Variants in ZFR observed in about 807,000 individuals in gnomAD.
The protein encoded by ZFR is zinc finger RNA binding protein, also known as zinc finger RNA-binding protein.
ZFR carries 19 observed loss-of-function variants against 130.7 expected under a neutral mutation model. The ratio of observed to expected loss-of-function variants is 0.15; its 90% CI spans 0.10 to 0.21. The LOEUF is 0.21. ZFR is among the 10% of genes least tolerant of loss of function. The pLI, the probability that ZFR is intolerant of heterozygous loss-of-function variation, is 1.00. For synonymous variants in ZFR, 466 were observed against 456.9 expected (o/e 1.02, Z -0.25); for missense variants, 872 against 1,321.5 (o/e 0.66, Z 5.27).
intron 2 of ZFR, among the ~76,000 whole-genome samples, chr5:32,436,140 CTTT>C (rs370998112): frequency 4.4e-5 from 4 of 91,796 alleles, no homozygotes; most frequent in East Asian, 7.4e-4. Flanking sequence ...CAGTTGTATT[CTTT>C]TTTTTTTTTT....
intron 19 of ZFR, among the ~76,000 whole-genome samples, chr5:32,356,275 C>A (rs1385556303): frequency 1.3e-5 from 2 of 152,128 alleles, no homozygotes; most frequent in Non-Finnish European, 2.9e-5. Context: ...CCTGCTTTAA[C>A]AGAATGGTTG....
chr5:32,425,924 T>C (rs931941), intron 2 of ZFR, among the ~76,000 whole-genome samples: 40,978 of 152,180 alleles, frequency 0.27, 6,500 homozygotes, highest in Middle Eastern at 0.44. Context: ...ACCCAAAAGT[T>C]TGAGAATCTT....
rs1479230679 is a variant in ZFR, at chr5:32,354,554, C to T, written c.*1206G>A. 2 of 152,608 alleles carry T rather than the reference C, an allele frequency of 1.3e-5. No homozygotes were observed. Among genetic ancestry groups the T allele is most frequent in the African/African-American group, 2.4e-5 (1 of 41,450 alleles). 9.5% of individuals were successfully genotyped at this position (152,608 alleles called of 1,614,324 possible). On this transcript the variant is annotated 3_prime_UTR_variant, in exon 20 of 20. Coordinates refer to ENST00000265069, the MANE Select transcript of ZFR (RefSeq NM_016107.5). ...TAAGATGTAATTTTTCATTACATCA[C>T]TGCTAGAATATTTAGCTTTGTGTAG... is the stretch of plus-strand genomic sequence containing the variant.
rs868436005 is a variant in ZFR at position 32,444,379 on chromosome 5, G to A, written c.38-51C>T. The A allele has an allele frequency of 3.3e-6, 5 of 1,515,318 alleles. No individual in the cohort carries two copies. In the African/African-American group the frequency reaches 4.2e-5, roughly 13 times the overall value. 93.9% of individuals were successfully genotyped at this position (1,515,318 alleles called of 1,614,324 possible). A position where few individuals can be genotyped will look rare whatever the true frequency, so the allele number is the denominator to read the frequency against. On this transcript the variant is annotated intron_variant, in intron 1 of 19. Transcript: ENST00000265069. ...CCCATGGCGGGACAAGAGACACAGA[G>A]GAGCCGAGACGCCGAGGGAGGGCAG...
chr5:32,366,881 AT>A lies in ZFR; in HGVS notation c.2836-2607del, dbSNP rs70961624. Among the ~76,000 whole-genome samples, 895 of 142,302 alleles carry A rather than the reference AT, an allele frequency of 6.3e-3. 4 individuals are homozygous for A. Among genetic ancestry groups the A allele is most frequent in the African/African-American group, 0.013 (499 of 38,662 alleles). The allele number at this position is 142,302 out of a possible 152,430, so 93.4% of individuals were successfully genotyped here. A position where few individuals can be genotyped will look rare whatever the true frequency, so the allele number is the denominator to read the frequency against. On this transcript the variant is annotated intron_variant, in intron 17 of 19. Transcript: ENST00000265069. ...AATATTTGCTTTAAAAGATTTTTTA[AT>A]TTTTTTTTTTTTTTTTACAGACAGG...
intron 2 of ZFR, among the ~76,000 whole-genome samples, chr5:32,425,815 C>T (rs1267146654): frequency 1.3e-5 from 2 of 152,320 alleles, no homozygotes; most frequent in East Asian, 1.9e-4. Context: ...CATGAGCCAC[C>T]GTGCCCAGCC....
At chr5:32,377,978 A>C (rs770619101) in intron 17 of ZFR, among the ~76,000 whole-genome samples, 15 of 152,236 alleles carry the variant, frequency 9.9e-5, no homozygotes, top group African/African-American at 1.4e-4. Context: ...GGCATGAGCC[A>C]CTGTGCTTGG....
At chr5:32,418,544 G>T (rs1561911774) in intron 3 of ZFR, among the ~76,000 whole-genome samples, 1 of 152,114 alleles carries the variant, frequency 6.6e-6, no homozygotes, top group Non-Finnish European at 1.5e-5. Flanking sequence ...GGGGTAGAAA[G>T]GTATGTAGGT....
chr5:32,436,885 T>A (rs1754348667), intron 2 of ZFR, among the ~76,000 whole-genome samples: 1 of 152,234 alleles, frequency 6.6e-6, no homozygotes, highest in Non-Finnish European at 1.5e-5. Context: ...GTTACACAGG[T>A]ACACTCGGTT....
chr5:32,419,704 A>G (rs1753909910), intron 3 of ZFR, 117 bp downstream of exon 3: 1 of 1,453,692 alleles, frequency 6.9e-7, no homozygotes. Flanking sequence ...TTTCTCTATC[A>G]GTACATGTGT....
chr5:32,390,122 T>C lies in ZFR; in HGVS notation c.2142+153A>G, dbSNP rs533017104. Reference sequence around the variant, plus strand: ...GTGAGCCGAGATCACGCCACTGCACTCCAGCCTGGGCGACAGAGCAAGACT... The same window carrying C: ...GTGAGCCGAGATCACGCCACTGCACCCCAGCCTGGGCGACAGAGCAAGACT... On this transcript the variant is annotated intron_variant, in intron 12 of 19. Coordinates refer to ENST00000265069, the MANE Select transcript of ZFR (RefSeq NM_016107.5). Among the ~76,000 whole-genome samples, 32 of 152,354 alleles carry C rather than the reference T, an allele frequency of 2.1e-4. No individual in the cohort carries two copies. The South Asian group carries it at 4.4e-3, about 21-fold the overall frequency.
chr5:32,384,379 T>C (rs1040374453), intron 15 of ZFR, among the ~76,000 whole-genome samples: 1 of 152,212 alleles, frequency 6.6e-6, no homozygotes. Context: ...CATCTGATTA[T>C]GGTATACATG....
At position 32,385,658 on chromosome 5, in the gene ZFR, T is replaced by G; in HGVS notation, c.2500-9A>C. 1 of 1,610,730 alleles carries G rather than the reference T, an allele frequency of 6.2e-7. No individual in the cohort carries two copies. The highest frequency in any genetic ancestry group is 8.5e-7 in the Non-Finnish European group (1 of 1,178,598). ...TTCTCAGGGCTTATAACCTGTGTAA[T>G]GAAGATGATAAGAAACAAATTGGAT... On this transcript the variant is annotated splice_polypyrimidine_tract_variant and intron_variant, in intron 14 of 19. Transcript: ENST00000265069.
At chr5:32,376,299 A>C (rs574220292) in intron 17 of ZFR, among the ~76,000 whole-genome samples, 9 of 152,202 alleles carry the variant, frequency 5.9e-5, no homozygotes, top group Non-Finnish European at 1.3e-4. Context: ...ATGTATTTAA[A>C]TTTACATATA....
chr5:32,406,588 A>G, intron 6 of ZFR, 186 bp downstream of exon 6: 1 of 751,562 alleles, frequency 1.3e-6, no homozygotes, highest in Non-Finnish European at 1.8e-6. Flanking sequence ...ATTTACAGTC[A>G]CAATCATCTT....
rs373716779 is a variant in ZFR, at chr5:32,406,945, C to T, written c.861G>A (p.Gln287=). Residue 287 remains glutamine, a synonymous_variant, in exon 6 of 20, where the codon CAG becomes CAA. Coordinates refer to ENST00000265069, the MANE Select transcript of ZFR (RefSeq NM_016107.5). ...CAGCAGCTGCTGCTGCTGCCTGCTT[C>T]TGTTGCTGCTGCTGCTGTTGATAGT... The part of the protein sequence containing the change: ...SSYYQQQQQQ[Q]KQAAAAAAAA... 1.9e-6 allele frequency: 3 copies of T among 1,598,534 alleles called. No homozygotes were observed. In the African/African-American group the frequency reaches 4.1e-5, roughly 22 times the overall value.
chr5:32,418,592 T>C (rs1206199619), intron 3 of ZFR, among the ~76,000 whole-genome samples: 1 of 152,206 alleles, frequency 6.6e-6, no homozygotes, highest in Admixed American at 6.5e-5. Context: ...CAGAAAACAC[T>C]GGGTTTCACA....
intron 2 of ZFR, among the ~76,000 whole-genome samples, chr5:32,435,818 A>C (rs1754319368): frequency 6.6e-6 from 1 of 152,216 alleles, no homozygotes; most frequent in Non-Finnish European, 1.5e-5. Flanking sequence ...AGTGCTTCCC[A>C]ATACTTTAAG....
At chr5:32,358,869 A>G (rs1433794657) in intron 19 of ZFR, among the ~76,000 whole-genome samples, 4 of 152,030 alleles carry the variant, frequency 2.6e-5, no homozygotes, top group Non-Finnish European at 5.9e-5. Flanking sequence ...GAATCATATC[A>G]TCTTATCTTG....
Sources: gnomAD v4.1 joint callset for allele counts (sites outside exome capture counted in the v4.1 genomes callset) on GRCh38, gnomAD v4.1.1 for gene constraint, MANE v1.5 for transcripts, NCBI Gene and HGNC (gene_info 2026-07-23, HGNC 2026-07-21) for gene names.